The following LCLAT1 variants were observed in gnomAD, a reference collection of about 807,000 sequenced individuals.
The protein encoded by LCLAT1 is lysocardiolipin acyltransferase 1.
A neutral mutation model predicts 30.7 loss-of-function variants in LCLAT1; 11 were observed. The ratio of observed to expected loss-of-function variants is 0.36; its 90% CI spans 0.23 to 0.59. The LOEUF (loss-of-function observed/expected upper bound fraction) is 0.59, where lower values mean the gene tolerates loss of function less well. Ranked by LOEUF, LCLAT1 falls within the 20% of genes least tolerant of loss-of-function variation. The pLI is 0.77. For synonymous variants in LCLAT1, 155 were observed against 151.3 expected, an observed-to-expected ratio of 1.02 and a Z score of -0.18; for missense variants, 402 against 458.6, an observed-to-expected ratio of 0.88 and a Z score of 1.13.
intron 5 of LCLAT1, among the ~76,000 whole-genome samples, chr2:30,579,639 G>T (rs1666130795): frequency 6.6e-6 from 1 of 152,186 alleles, no homozygotes; most frequent in Non-Finnish European, 1.5e-5. Flanking sequence ...AAAGAAATTG[G>T]GAGAGTGTAG....
chr2:30,618,357 G>T (rs1668090570), intron 5 of LCLAT1, among the ~76,000 whole-genome samples: 1 of 152,122 alleles, frequency 6.6e-6, no homozygotes, highest in African/African-American at 2.4e-5. Context: ...TTAGAGAAAT[G>T]TAATCTTAAT....
At chr2:30,488,221 T>C (rs983114268) in intron 1 of LCLAT1, among the ~76,000 whole-genome samples, 1 of 152,240 alleles carries the variant, frequency 6.6e-6, no homozygotes, top group Admixed American at 6.5e-5. Flanking sequence ...GTCTAGAGAC[T>C]GTGAATCACA....
chr2:30,622,759 G>A (rs1456809907), intron 5 of LCLAT1, among the ~76,000 whole-genome samples: 2 of 152,168 alleles, frequency 1.3e-5, no homozygotes, highest in African/African-American at 2.4e-5. Flanking sequence ...AAGGGGGAGA[G>A]CACCACATCA....
intron 5 of LCLAT1, among the ~76,000 whole-genome samples, chr2:30,569,695 G>T (rs1481635301): frequency 1.3e-5 from 2 of 152,198 alleles, no homozygotes; most frequent in African/African-American, 2.4e-5. Flanking sequence ...CCAAGATGAA[G>T]CATATTTATA....
chr2:30,468,361 G>A (rs939251202), intron 1 of LCLAT1, among the ~76,000 whole-genome samples: 2 of 152,178 alleles, frequency 1.3e-5, no homozygotes, highest in Non-Finnish European at 2.9e-5. Context: ...TTGTAGTATA[G>A]TTGGAAGTCA....
chr2:30,573,215 A>T (rs1302807042), intron 5 of LCLAT1, among the ~76,000 whole-genome samples: 11 of 152,036 alleles, frequency 7.2e-5, no homozygotes, highest in Non-Finnish European at 1.2e-4. Flanking sequence ...AGGCCTTTTG[A>T]TTCTACCCCT....
intron 5 of LCLAT1, among the ~76,000 whole-genome samples, chr2:30,582,960 T>TA: frequency 6.6e-6 from 1 of 152,368 alleles, no homozygotes; most frequent in Non-Finnish European, 1.5e-5. Context: ...AAGGTCATCC[T>TA]CTTTTATGAC....
At chr2:30,484,505 C>T (rs1362728776) in intron 1 of LCLAT1, among the ~76,000 whole-genome samples, 1 of 152,056 alleles carries the variant, frequency 6.6e-6, no homozygotes, top group Admixed American at 6.6e-5. Context: ...ATTATAACTT[C>T]CTGGCTTTGC....
chr2:30,632,781 G>A (rs1572721936), intron 5 of LCLAT1, among the ~76,000 whole-genome samples: 1 of 152,310 alleles, frequency 6.6e-6, no homozygotes, highest in East Asian at 1.9e-4. Context: ...GGCTTATAGT[G>A]AGCATGCCAA....
chr2:30,555,609 T>TA (rs1247647445), intron 3 of LCLAT1, among the ~76,000 whole-genome samples: 1 of 152,122 alleles, frequency 6.6e-6, no homozygotes, highest in East Asian at 1.9e-4. Flanking sequence ...TGTTAAGAAA[T>TA]TTAAATGTAA....
At chr2:30,620,644 T>C (rs780722864) in intron 5 of LCLAT1, among the ~76,000 whole-genome samples, 69 of 152,200 alleles carry the variant, frequency 4.5e-4, no homozygotes, top group African/African-American at 1.5e-3. Context: ...AATAAAACTT[T>C]AGAAGAAATT....
chr2:30,615,276 G>A (rs973231787), intron 5 of LCLAT1, among the ~76,000 whole-genome samples: 4 of 152,046 alleles, frequency 2.6e-5, no homozygotes, highest in Non-Finnish European at 4.4e-5. Context: ...AAATACATGC[G>A]TGGACAGATC....
intron 1 of LCLAT1, among the ~76,000 whole-genome samples, chr2:30,467,677 C>T (rs369860104): frequency 2.0e-5 from 3 of 151,746 alleles, no homozygotes; most frequent in African/African-American, 4.8e-5. Flanking sequence ...TTTGCATTTC[C>T]CTGATGGCCA....
At chr2:30,536,020 TAAAATC>T (rs3062401) in intron 3 of LCLAT1, among the ~76,000 whole-genome samples, 14,387 of 151,484 alleles carry the variant, frequency 0.095, 711 homozygotes, top group East Asian at 0.12. Flanking sequence ...GAAATAAAAA[TAAAATC>T]AAGAGCTTCA....
chr2:30,582,045 C>T (rs1385549061), intron 5 of LCLAT1, among the ~76,000 whole-genome samples: 2 of 152,094 alleles, frequency 1.3e-5, no homozygotes, highest in African/African-American at 4.8e-5. Context: ...ATTAAAAATA[C>T]TAAAAAGCAA....
intron 5 of LCLAT1, among the ~76,000 whole-genome samples, chr2:30,587,662 A>G (rs1309770544): frequency 1.3e-5 from 2 of 152,238 alleles, no homozygotes; most frequent in Non-Finnish European, 2.9e-5. Context: ...TATAAGAGAA[A>G]GAAGAAACTG....
intron 5 of LCLAT1, among the ~76,000 whole-genome samples, chr2:30,596,404 T>C (rs1433318464): frequency 6.6e-6 from 1 of 152,134 alleles, no homozygotes; most frequent in Non-Finnish European, 1.5e-5. Context: ...GATGTTGAGC[T>C]TTTTTTCATA....
chr2:30,634,131 A>C (rs907049293), intron 5 of LCLAT1, among the ~76,000 whole-genome samples: 2 of 152,218 alleles, frequency 1.3e-5, no homozygotes, highest in Non-Finnish European at 2.9e-5. Context: ...TTAAGATTTG[A>C]AATATTAAGC....
intron 2 of LCLAT1, among the ~76,000 whole-genome samples, chr2:30,527,152 T>C (rs1285951900): frequency 6.6e-6 from 1 of 152,224 alleles, no homozygotes; most frequent in Non-Finnish European, 1.5e-5. Context: ...GTATGTTAAG[T>C]AATTTTGCTG....
Sources: gnomAD v4.1 joint callset for allele counts (sites outside exome capture counted in the v4.1 genomes callset) on GRCh38, gnomAD v4.1.1 for gene constraint, MANE v1.5 for transcripts, NCBI Gene and HGNC (gene_info 2026-07-23, HGNC 2026-07-21) for gene names.